TANC1: variants seen among roughly 807,000 people sequenced by gnomAD.
TANC1 encodes protein TANC1.
TANC1 carries 77 observed loss-of-function variants against 149.7 expected under a neutral mutation model. The ratio of observed to expected loss-of-function variants is 0.51; its 90% CI spans 0.43 to 0.62. The LOEUF (loss-of-function observed/expected upper bound fraction) is 0.62. Ranked by LOEUF, TANC1 falls within the 20% of genes least tolerant of loss-of-function variation. TANC1 has a pLI of 0.00. For synonymous variants in TANC1, 854 were observed against 925.0 expected, an observed-to-expected ratio of 0.92 and a Z score of 1.39; for missense variants, 1,985 against 2,321.8, an observed-to-expected ratio of 0.85 and a Z score of 2.98.
At chr2:159,219,955 TTG>T in intron 22 of TANC1, 88 bp downstream of exon 22, 1 of 1,281,186 alleles carries the variant, frequency 7.8e-7, no homozygotes, top group Admixed American at 2.0e-5. Context: ...CTGCATGAGG[TTG>T]TGTCTCAGTG....
chr2:159,065,776 G>T, intron 2 of TANC1, 120 bp from the exon 3 acceptor site: 2 of 682,566 alleles, frequency 2.9e-6, no homozygotes, highest in South Asian at 1.8e-5. Context: ...TAAGGCTTAG[G>T]GTACCTTAAT....
chr2:159,169,341 T>C lies in TANC1; in HGVS notation c.1038T>C (p.Asn346=). ...LRTSIRLPWH[N]TAGGRAQEVK... ...CGTCAATTAGATTACCATGGCACAATACGGCCGGAGGTAGGGCACAGGAAG... is the reference window on the plus strand; with the variant it reads ...CGTCAATTAGATTACCATGGCACAACACGGCCGGAGGTAGGGCACAGGAAG... Residue 346 remains asparagine, a synonymous_variant, in exon 9 of 27, where the codon AAT becomes AAC. Transcript: ENST00000263635. 1 of 1,613,940 alleles carries C rather than the reference T, an allele frequency of 6.2e-7. No individual in the cohort carries two copies. Among genetic ancestry groups the C allele is most frequent in the Non-Finnish European group, 8.5e-7 (1 of 1,179,872 alleles).
intron 4 of TANC1, among the ~76,000 whole-genome samples, chr2:159,107,839 T>C (rs1255152435): frequency 6.6e-6 from 1 of 152,240 alleles, no homozygotes; most frequent in East Asian, 1.9e-4. Context: ...TCTGTAGCAC[T>C]GTGTCTCCTT....
chr2:159,007,293 T>C (rs1187643370), intron 2 of TANC1, among the ~76,000 whole-genome samples: 2 of 152,110 alleles, frequency 1.3e-5, no homozygotes, highest in Non-Finnish European at 2.9e-5. Context: ...ATTACAGGCT[T>C]GCGCCACCAC....
chr2:159,093,140 C>T (rs764388911), intron 3 of TANC1, among the ~76,000 whole-genome samples: 2 of 152,206 alleles, frequency 1.3e-5, no homozygotes, highest in Non-Finnish European at 2.9e-5. Flanking sequence ...TCATTGATAA[C>T]ATAGTTTTCA....
chr2:159,214,962 C>G (rs973313803), intron 19 of TANC1, among the ~76,000 whole-genome samples: 1 of 152,224 alleles, frequency 6.6e-6, no homozygotes, highest in Non-Finnish European at 1.5e-5. Context: ...GGCCTACAGA[C>G]TGGCCCTGAG....
rs180800004 is a variant in TANC1, at chr2:159,101,685, T to C, written c.259+3851T>C. ...ATTAAGAATTCATCAATATTTGTAA[T>C]GTGTGCTGCTGTTTTCCAGAGAAGA... On this transcript the variant is annotated intron_variant, in intron 4 of 26. Coordinates refer to ENST00000263635, the MANE Select transcript of TANC1 (RefSeq NM_033394.3). Among the ~76,000 whole-genome samples the C allele has an allele frequency of 2.0e-5, 3 of 152,350 alleles. 1 individual carries two copies. In the East Asian group the frequency reaches 5.8e-4, roughly 29 times the overall value.
chr2:159,062,683 C>G (rs1480127367), intron 2 of TANC1, among the ~76,000 whole-genome samples: 1 of 152,174 alleles, frequency 6.6e-6, no homozygotes. Flanking sequence ...GAAAGCAAAG[C>G]TCGGCCGGGC....
chr2:159,127,783 G>A (rs528337967), intron 4 of TANC1, among the ~76,000 whole-genome samples: 1 of 152,232 alleles, frequency 6.6e-6, no homozygotes, highest in Admixed American at 6.5e-5. Context: ...GTGATGGGTT[G>A]ATAGGTGCAG....
chr2:158,978,050 A>G (rs1439278225), intron 1 of TANC1, among the ~76,000 whole-genome samples: 3 of 152,122 alleles, frequency 2.0e-5, no homozygotes, highest in Non-Finnish European at 2.9e-5. Context: ...TACATTCATT[A>G]TAATGTCTTT....
intron 15 of TANC1, 84 bp downstream of exon 15, chr2:159,185,983 C>G: frequency 9.5e-7 from 1 of 1,050,412 alleles, no homozygotes; most frequent in Non-Finnish European, 1.4e-6. Context: ...GCTCTGTCAG[C>G]CATCCAAGAA....
chr2:159,031,793 A>G (rs542793502), intron 2 of TANC1, among the ~76,000 whole-genome samples: 1 of 152,200 alleles, frequency 6.6e-6, no homozygotes, highest in Admixed American at 6.5e-5. Context: ...GCAAGGGAAA[A>G]CTCACCCTAG....
chr2:159,224,500 CACTT>C (rs925758543), intron 23 of TANC1, 136 bp downstream of exon 23: 2 of 972,056 alleles, frequency 2.1e-6, no homozygotes. Context: ...GTCTCAGTCT[CACTT>C]AATCACCATT....
At chr2:158,992,311 G>GT (rs1195425585) in intron 1 of TANC1, among the ~76,000 whole-genome samples, 47 of 151,604 alleles carry the variant, frequency 3.1e-4, no homozygotes, top group African/African-American at 1.1e-3. Flanking sequence ...GCTGCAGTGA[G>GT]CTGTGATCAC....
At chr2:159,229,478 C>T in intron 26 of TANC1, 100 bp from the exon 27 acceptor site, 1 of 1,047,514 alleles carries the variant, frequency 9.5e-7, no homozygotes. Context: ...AACTCACTTG[C>T]TACCTTCTCT....
intron 2 of TANC1, among the ~76,000 whole-genome samples, chr2:159,049,975 A>G (rs1028871876): frequency 1.1e-4 from 16 of 152,186 alleles, no homozygotes; most frequent in African/African-American, 3.9e-4. Flanking sequence ...TGAAGTGGGT[A>G]TTCTGGTCAT....
At chr2:159,023,811 A>T (rs922613194) in intron 2 of TANC1, among the ~76,000 whole-genome samples, 2 of 152,088 alleles carry the variant, frequency 1.3e-5, no homozygotes, top group Non-Finnish European at 2.9e-5. Context: ...TACTAAAAAT[A>T]CAAAAAATTA....
chr2:159,175,416 T>C (rs574102663), intron 12 of TANC1, among the ~76,000 whole-genome samples: 1 of 152,280 alleles, frequency 6.6e-6, no homozygotes, highest in Non-Finnish European at 1.5e-5. Flanking sequence ...TAAGAATGAA[T>C]GTGATGACTG....
chr2:159,099,206 C>T (rs1277328534), intron 4 of TANC1, among the ~76,000 whole-genome samples: 1 of 152,174 alleles, frequency 6.6e-6, no homozygotes, highest in African/African-American at 2.4e-5. Context: ...AGCTGGAACT[C>T]AGGAACCTTT....
Sources: gnomAD v4.1 joint callset for allele counts (sites outside exome capture counted in the v4.1 genomes callset) on GRCh38, gnomAD v4.1.1 for gene constraint, MANE v1.5 for transcripts, NCBI Gene and HGNC (gene_info 2026-07-23, HGNC 2026-07-21) for gene names.